Variants in ROBO2 observed in about 807,000 individuals in gnomAD.
The protein encoded by ROBO2 is roundabout homolog 2.
In ROBO2, 53 loss-of-function variants were observed where a neutral mutation model predicts 160.8. That is an observed-to-expected ratio of 0.33 (90% confidence interval 0.26 to 0.41). The LOEUF is 0.41. ROBO2 is among the 10% of genes least tolerant of loss of function. The pLI is 1.00. For synonymous variants in ROBO2, 664 were observed against 611.7 expected (o/e 1.09, Z -1.26); for missense variants, 1,577 against 1,722.4 (o/e 0.92, Z 1.49).
At chr3:76,726,935 C>T (rs9874965) in intron 2 of ROBO2, among the ~76,000 whole-genome samples, 5,828 of 152,118 alleles carry the variant, frequency 0.038, 304 homozygotes, top group African/African-American at 0.12. Flanking sequence ...AAAAGGGGTT[C>T]CGATGTGTTA....
chr3:76,183,714 A>AT (rs1701615931), intron 2 of ROBO2, among the ~76,000 whole-genome samples: 1 of 152,098 alleles, frequency 6.6e-6, no homozygotes, highest in African/African-American at 2.4e-5. Context: ...CTATTGGCTT[A>AT]TTTTTGCAGT....
At chr3:76,387,079 T>A (rs1431796744) in intron 2 of ROBO2, among the ~76,000 whole-genome samples, 1 of 152,190 alleles carries the variant, frequency 6.6e-6, no homozygotes, top group East Asian at 1.9e-4. Context: ...TGATGTCTGG[T>A]GACAATTGCT....
intron 2 of ROBO2, among the ~76,000 whole-genome samples, chr3:77,139,221 T>G (rs1397767104): frequency 6.6e-6 from 1 of 152,134 alleles, no homozygotes; most frequent in Non-Finnish European, 1.5e-5. Flanking sequence ...CCAAATTCCC[T>G]GATTAAAAAA....
intron 2 of ROBO2, among the ~76,000 whole-genome samples, chr3:76,665,441 T>C: frequency 6.6e-6 from 1 of 152,076 alleles, no homozygotes; most frequent in East Asian, 1.9e-4. Flanking sequence ...ACCCACAGCT[T>C]CTGATATCTG....
intron 2 of ROBO2, among the ~76,000 whole-genome samples, chr3:76,826,202 G>A (rs1391321909): frequency 6.6e-6 from 1 of 152,040 alleles, no homozygotes; most frequent in Non-Finnish European, 1.5e-5. Context: ...CTGAGCGTAA[G>A]CCTGCCAGCA....
At chr3:77,500,004 A>C (rs2087348705) in intron 5 of ROBO2, among the ~76,000 whole-genome samples, 1 of 152,168 alleles carries the variant, frequency 6.6e-6, no homozygotes, top group African/African-American at 2.4e-5. Flanking sequence ...GCCAAGTCTG[A>C]AAGTTGCCTG....
rs188645245 is a variant in ROBO2 at position 77,543,829 on chromosome 3, C to A, written c.935-2509C>A. ...CTACTTTTGTGAGGTAATTTAAATT[C>A]TTTCTGGCCCAAAGCAGTACAAATT... On this transcript the variant is annotated intron_variant, in intron 6 of 25. Coordinates refer to ENST00000461745, the Ensembl canonical transcript of ROBO2. Among the ~76,000 whole-genome samples the A allele has an allele frequency of 1.4e-4, 22 of 152,184 alleles. No homozygotes were observed. In the East Asian group the frequency reaches 3.5e-3, roughly 24 times the overall value.
intron 2 of ROBO2, among the ~76,000 whole-genome samples, chr3:77,454,413 C>G (rs1431458594): frequency 6.6e-6 from 1 of 152,106 alleles, no homozygotes; most frequent in Non-Finnish European, 1.5e-5. Context: ...ATCCCTGACT[C>G]ATTTGCAATC....
At chr3:76,241,916 G>A (rs923359666) in intron 2 of ROBO2, among the ~76,000 whole-genome samples, 20 of 152,138 alleles carry the variant, frequency 1.3e-4, no homozygotes, top group African/African-American at 4.3e-4. Context: ...ATATTCACAC[G>A]TGAAGCAAAG....
At chr3:77,451,777 T>C (rs954406126) in intron 2 of ROBO2, among the ~76,000 whole-genome samples, 1 of 151,624 alleles carries the variant, frequency 6.6e-6, no homozygotes, top group Non-Finnish European at 1.5e-5. Context: ...CCTTTTTTTT[T>C]AATTTTTTTA....
chr3:76,080,608 A>G (rs1559895211), intron 2 of ROBO2, among the ~76,000 whole-genome samples: 1 of 152,172 alleles, frequency 6.6e-6, no homozygotes, highest in Admixed American at 6.5e-5. Flanking sequence ...TTGATCATGT[A>G]TGTCTGCTCA....
At chr3:77,010,619 G>A (rs904345734) in intron 2 of ROBO2, among the ~76,000 whole-genome samples, 6 of 151,980 alleles carry the variant, frequency 3.9e-5, no homozygotes, top group South Asian at 2.1e-4. Flanking sequence ...ACCTTTACCC[G>A]TGGTGTTCCT....
chr3:76,940,500 A>T (rs1387901462), intron 2 of ROBO2, among the ~76,000 whole-genome samples: 1 of 152,136 alleles, frequency 6.6e-6, no homozygotes, highest in African/African-American at 2.4e-5. Flanking sequence ...AAATTACTGG[A>T]TGTTTTACCA....
chr3:77,509,418 G>GT, intron 5 of ROBO2, among the ~76,000 whole-genome samples: 1 of 152,020 alleles, frequency 6.6e-6, no homozygotes, highest in Non-Finnish European at 1.5e-5. Context: ...ACAAAGACAG[G>GT]TGTGAGCAAG....
At chr3:76,453,509 G>A (rs892495496) in intron 2 of ROBO2, among the ~76,000 whole-genome samples, 1 of 152,124 alleles carries the variant, frequency 6.6e-6, no homozygotes, top group Admixed American at 6.6e-5. Context: ...TTATTTCTGA[G>A]GGCTCTGTTC....
intron 2 of ROBO2, among the ~76,000 whole-genome samples, chr3:76,932,060 T>A (rs1191711344): frequency 1.3e-5 from 2 of 152,176 alleles, no homozygotes; most frequent in African/African-American, 2.4e-5. Flanking sequence ...TTTAAATGGC[T>A]GTAATGATTC....
chr3:77,564,888 A>G, intron 11 of ROBO2, 66 bp from the exon 13 acceptor site: 3 of 1,455,428 alleles, frequency 2.1e-6, no homozygotes, highest in African/African-American at 2.8e-5. Flanking sequence ...TTTGTCATTG[A>G]TACCCAACTC....
intron 2 of ROBO2, among the ~76,000 whole-genome samples, chr3:76,610,909 C>T (rs895842811): frequency 6.8e-4 from 104 of 152,166 alleles, no homozygotes; most frequent in African/African-American, 2.2e-3. Context: ...GAATAAGGTG[C>T]GTGGACACTG....
At chr3:76,312,154 G>A (rs1364454929) in intron 2 of ROBO2, among the ~76,000 whole-genome samples, 3 of 152,126 alleles carry the variant, frequency 2.0e-5, no homozygotes, top group Non-Finnish European at 4.4e-5. Flanking sequence ...CATATCCCAC[G>A]AGAGACTTTC....
Sources: gnomAD v4.1 joint callset for allele counts (sites outside exome capture counted in the v4.1 genomes callset) on GRCh38, gnomAD v4.1.1 for gene constraint, MANE v1.5 for transcripts, NCBI Gene and HGNC (gene_info 2026-07-23, HGNC 2026-07-21) for gene names.